FAM184A: variants seen among roughly 807,000 people sequenced by gnomAD.
FAM184A encodes protein FAM184A.
Under a neutral mutation model 143.8 loss-of-function variants are expected in FAM184A, and 99 were observed. The ratio of observed to expected loss-of-function variants is 0.69; its 90% CI spans 0.58 to 0.81. The LOEUF (loss-of-function observed/expected upper bound fraction) is 0.81. Among genes scored for constraint, FAM184A ranks in the 40% least tolerant of loss-of-function variants. FAM184A has a pLI of 0.00. For missense variants in FAM184A, 1,217 were observed against 1,310.5 expected, an observed-to-expected ratio of 0.93 and a Z score of 1.10; for synonymous variants, 427 against 446.4, an observed-to-expected ratio of 0.96 and a Z score of 0.55.
At chr6:119,055,556 T>A (rs1786939901) in intron 1 of FAM184A, among the ~76,000 whole-genome samples, 1 of 152,210 alleles carries the variant, frequency 6.6e-6, no homozygotes, top group Non-Finnish European at 1.5e-5. Context: ...CAACACTTCA[T>A]TGTCAATTTT....
chr6:119,136,068 G>C (rs1432556876), intron 1 of FAM184A, among the ~76,000 whole-genome samples: 1 of 149,372 alleles, frequency 6.7e-6, no homozygotes, highest in African/African-American at 2.5e-5. Flanking sequence ...CATGAGGTCA[G>C]GAGATCGAGA....
intron 1 of FAM184A, among the ~76,000 whole-genome samples, chr6:119,100,640 T>C (rs1788614994): frequency 6.9e-6 from 1 of 145,328 alleles, no homozygotes; most frequent in Non-Finnish European, 1.5e-5. Flanking sequence ...TACTGACCCA[T>C]TGGTTTAGTT....
chr6:119,057,662 A>C (rs1401512007), intron 1 of FAM184A, among the ~76,000 whole-genome samples: 2 of 152,180 alleles, frequency 1.3e-5, no homozygotes, highest in African/African-American at 4.8e-5. Context: ...AGGATCACTT[A>C]GACCCAGGAA....
At chr6:119,143,022 G>C (rs572576047) in intron 1 of FAM184A, among the ~76,000 whole-genome samples, 173 of 152,312 alleles carry the variant, frequency 1.1e-3, no homozygotes, top group Admixed American at 2.7e-3. Context: ...AACTAGGAGG[G>C]AGGTATGGGG....
Position 119,132,109 on chromosome 6 carries a change from G to A in FAM184A, c.-202+16969C>T, listed in dbSNP as rs555718763. 2.6e-5 allele frequency among the ~76,000 whole-genome samples: 4 copies of A among 152,118 alleles called. No homozygotes were observed. The East Asian group carries it at 7.7e-4, about 29-fold the overall frequency. On this transcript the variant is annotated intron_variant, in intron 1 of 16. Coordinates refer to the FAM184A transcript ENST00000352896. ...TTAAGAGTAAAATTTTAAAAACTTT[G>A]CTCCCCCATAAAACATTCCTTCATT...
rs1046522032 is a variant in FAM184A at position 119,078,548 on chromosome 6, C to T, written c.-249G>A. On this transcript the variant is annotated 5_prime_UTR_variant, in exon 1 of 18. Transcript: ENST00000338891. This position sits in a 1 kb window ranked among gnomAD's most constrained non-coding sequence, Gnocchi z 5.5. ...GCAGATGCCCGGGGTTGGGCGGCGG[C>T]GGCCGGGGGCCGGGCCAGCTCTTGG... 7.2e-5 allele frequency: 22 copies of T among 307,268 alleles called. No homozygotes were observed. Among genetic ancestry groups the T allele is most frequent in the Non-Finnish European group, 1.3e-4 (22 of 168,648 alleles). The allele number at this position is 307,268 out of a possible 1,614,324, so 19.0% of individuals were successfully genotyped here.
intron 1 of FAM184A, among the ~76,000 whole-genome samples, chr6:119,129,932 G>T (rs746332094): frequency 6.6e-6 from 1 of 152,018 alleles, no homozygotes; most frequent in Non-Finnish European, 1.5e-5. Context: ...TCTGCCTTTG[G>T]CAAAAATCTA....
At chr6:118,966,363 T>G (rs1783500226) in intron 15 of FAM184A, among the ~76,000 whole-genome samples, 1 of 152,202 alleles carries the variant, frequency 6.6e-6, no homozygotes, top group Admixed American at 6.6e-5. Flanking sequence ...GTGGCTAGAT[T>G]ATGGAACATT....
chr6:119,140,853 A>G (rs554062992), intron 1 of FAM184A, among the ~76,000 whole-genome samples: 1 of 152,352 alleles, frequency 6.6e-6, no homozygotes, highest in South Asian at 2.1e-4. Flanking sequence ...GTCTACAGCC[A>G]CTGTCTTTTC....
Position 119,011,388 on chromosome 6 carries a change from T to G in FAM184A, c.1574A>C (p.Glu525Ala), listed in dbSNP as rs752044145. Residue 525 changes from glutamate to alanine, a missense_variant, in exon 6 of 18, where the codon GAG (glutamate) becomes GCG (alanine). Glu to Ala is a moderately radical substitution (Grantham distance 107, BLOSUM62 -1). Coordinates refer to ENST00000338891, the MANE Select transcript of FAM184A (RefSeq NM_024581.6). ...CTCTTGTTGAAGCTGATTTTTATCC[T>G]CTTCCAGGTTTAGTTTATCTTTGTT... ...QHNKDKLNLE[E>A]DKNQLQQELE... 1.9e-6 allele frequency: 3 copies of G among 1,575,682 alleles called. No homozygotes were observed. In the East Asian group the frequency reaches 6.8e-5, roughly 36 times the overall value.
At chr6:119,078,667 G>T (rs916410511), upstream of FAM184A, 42 of 167,444 alleles carry the variant, frequency 2.5e-4, no homozygotes, top group Non-Finnish European at 3.8e-5. The surrounding 1 kb of genome is among the most constrained non-coding windows in gnomAD (Gnocchi z 5.5). Context: ...GCGAGGCTGC[G>T]GAGGGAGGAG....
chr6:119,035,951 G>A (rs1786097181), intron 1 of FAM184A, among the ~76,000 whole-genome samples: 1 of 152,190 alleles, frequency 6.6e-6, no homozygotes, highest in African/African-American at 2.4e-5. Flanking sequence ...CTGGAGCTAT[G>A]TCAGGGGACA....
At chr6:119,082,614 A>T (rs1788104096), upstream of FAM184A, among the ~76,000 whole-genome samples, 1 of 152,252 alleles carries the variant, frequency 6.6e-6, no homozygotes, top group African/African-American at 2.4e-5. Context: ...GCACTCATTA[A>T]ATCTTAGGAC....
chr6:118,986,942 T>A (rs1010716594), intron 9 of FAM184A, among the ~76,000 whole-genome samples: 1 of 152,188 alleles, frequency 6.6e-6, no homozygotes, highest in African/African-American at 2.4e-5. Flanking sequence ...TTGTTTCTTT[T>A]AAGAGATGAA....
intron 9 of FAM184A, among the ~76,000 whole-genome samples, chr6:118,984,191 T>A (rs889811443): frequency 5.3e-4 from 75 of 142,078 alleles, no homozygotes; most frequent in African/African-American, 1.9e-3. Flanking sequence ...ATATATATAT[T>A]TATATTTATA....
chr6:119,113,883 G>A (rs766801925), intron 1 of FAM184A, among the ~76,000 whole-genome samples: 2 of 152,054 alleles, frequency 1.3e-5, no homozygotes, highest in Admixed American at 1.3e-4. Context: ...CAGAGGTTGC[G>A]GTGAGCCGAG....
At position 119,015,475 on chromosome 6, in the gene FAM184A, G is replaced by A. The variant is rs1018497550; in HGVS notation, c.1530+1272C>T. 3.9e-5 allele frequency among the ~76,000 whole-genome samples: 6 copies of A among 152,312 alleles called. No individual in the cohort carries two copies. The East Asian group carries it at 5.8e-4, about 15-fold the overall frequency. On this transcript the variant is annotated intron_variant, in intron 5 of 17. Transcript: ENST00000338891. ...TGAGGGGCTTAGCACCCGGGCCAGCGGCTGCGGAGGGTGTACTGGGTCCCC... is the reference window on the plus strand; with the variant it reads ...TGAGGGGCTTAGCACCCGGGCCAGCAGCTGCGGAGGGTGTACTGGGTCCCC...
intron 1 of FAM184A, among the ~76,000 whole-genome samples, chr6:119,126,690 T>C (rs1309656861): frequency 2.6e-5 from 4 of 152,200 alleles, no homozygotes; most frequent in Non-Finnish European, 5.9e-5. Flanking sequence ...AAAGGCTCAG[T>C]GAAGCCTCTG....
rs1449873370 is a variant in FAM184A at position 119,024,440 on chromosome 6, T to C, written c.533A>G (p.Gln178Arg). 3 of 1,614,188 alleles carry C rather than the reference T, an allele frequency of 1.9e-6. No homozygotes were observed. Among genetic ancestry groups the C allele is most frequent in the African/African-American group, 2.7e-5 (2 of 75,056 alleles). The part of the protein sequence containing the change: ...KLRSFGQLQV[Q>R]FEKDKRLALE... ...TGCCAATCGTTTGTCTTTTTCAAAC[T>C]GTACTTGAAGTTGTCCAAAGCTCCG... Residue 178 changes from glutamine to arginine, a missense_variant, in exon 2 of 18, where the codon CAG becomes CGG. By Grantham distance (43) the Gln-to-Arg change is conservative. Transcript: ENST00000338891.
Sources: allele counts gnomAD v4.1 joint callset (sites outside exome capture counted in the v4.1 genomes callset), GRCh38; gene constraint gnomAD v4.1.1; non-coding constraint Gnocchi (gnomAD v3.1); transcripts MANE v1.5; gene names NCBI Gene and HGNC (gene_info 2026-07-23, HGNC 2026-07-21).